The following AUTS2 variants were observed in gnomAD, a reference collection of about 807,000 sequenced individuals.
The protein encoded by AUTS2 is autism susceptibility gene 2 protein.
In AUTS2, 17 loss-of-function variants were observed where a neutral mutation model predicts 112.4. The ratio of observed to expected loss-of-function variants is 0.15; its 90% CI spans 0.10 to 0.23. The LOEUF (loss-of-function observed/expected upper bound fraction) is 0.23. Ranked by LOEUF, AUTS2 falls within the 10% of genes least tolerant of loss-of-function variation. The pLI, the probability that AUTS2 is intolerant of heterozygous loss-of-function variation, is 1.00. For missense variants in AUTS2, 1,510 were observed against 1,701.6 expected (o/e 0.89, Z 1.98); for synonymous variants, 751 against 702.7 (o/e 1.07, Z -1.09).
At chr7:70,680,266 A>G (rs1280377600) in intron 5 of AUTS2, among the ~76,000 whole-genome samples, 3 of 152,246 alleles carry the variant, frequency 2.0e-5, no homozygotes, top group Admixed American at 2.0e-4. Context: ...CCAGATCATA[A>G]AGAATCACAG....
chr7:69,600,269 C>T (rs539778904), intron 1 of AUTS2, among the ~76,000 whole-genome samples: 2 of 152,214 alleles, frequency 1.3e-5, no homozygotes, highest in East Asian at 3.9e-4. Context: ...AACAATGCGC[C>T]CCCTCTCCAC....
chr7:70,072,669 T>C (rs1802830756), intron 2 of AUTS2, among the ~76,000 whole-genome samples: 1 of 152,232 alleles, frequency 6.6e-6, no homozygotes. Context: ...GACATTTTCA[T>C]TCCTAACATA....
chr7:70,703,594 A>G (rs965193303), intron 6 of AUTS2, among the ~76,000 whole-genome samples: 1 of 151,858 alleles, frequency 6.6e-6, no homozygotes, highest in Non-Finnish European at 1.5e-5. Flanking sequence ...AATTTGGTTT[A>G]CAGTTTAAAA....
intron 4 of AUTS2, among the ~76,000 whole-genome samples, chr7:70,368,246 A>G (rs1792676555): frequency 6.6e-6 from 1 of 152,176 alleles, no homozygotes; most frequent in South Asian, 2.1e-4. Context: ...CATAGAAAAC[A>G]CCTAGAACTC....
intron 1 of AUTS2, among the ~76,000 whole-genome samples, chr7:69,802,380 T>G (rs1035778848): frequency 2.0e-5 from 3 of 152,192 alleles, no homozygotes; most frequent in African/African-American, 7.2e-5. Context: ...TATTTCTCAC[T>G]TAAGTAGTTT....
Position 69,883,252 on chromosome 7 carries a change from G to A in AUTS2, c.310-16034G>A, listed in dbSNP as rs117110946. 5.0e-3 allele frequency among the ~76,000 whole-genome samples: 765 copies of A among 151,778 alleles called. 7 individuals are homozygous for A. Among genetic ancestry groups the A allele is most frequent in the Non-Finnish European group, 8.5e-3 (580 of 67,956 alleles). ...AGCCAGCTTTGTGCACTTCAAAGCA[G>A]CCTCAGCTTCGGGGTGGAGCATAGA... On this transcript the variant is annotated intron_variant, in intron 1 of 18. Transcript: ENST00000342771.
At chr7:69,673,872 A>G (rs1216120508) in intron 1 of AUTS2, among the ~76,000 whole-genome samples, 1 of 152,248 alleles carries the variant, frequency 6.6e-6, no homozygotes, top group African/African-American at 2.4e-5. Flanking sequence ...ATTGAAACCC[A>G]GAAGTCTGAA....
chr7:69,951,231 C>T (rs953303149), intron 2 of AUTS2, among the ~76,000 whole-genome samples: 1 of 151,906 alleles, frequency 6.6e-6, no homozygotes, highest in African/African-American at 2.4e-5. Flanking sequence ...GTTGTTTCAG[C>T]TAATTATGAG....
At chr7:69,828,877 A>T (rs1210443023) in intron 1 of AUTS2, among the ~76,000 whole-genome samples, 1 of 152,164 alleles carries the variant, frequency 6.6e-6, no homozygotes, top group South Asian at 2.1e-4. Flanking sequence ...AACTCCTAAA[A>T]CATAGTATAA....
At position 69,879,320 on chromosome 7, in the gene AUTS2, CTTT is replaced by C. The variant is rs56852869; in HGVS notation, c.310-19958_310-19956del. Among the ~76,000 whole-genome samples the C allele has an allele frequency of 1.7e-3, 246 of 144,734 alleles. 6 individuals carry two copies. The highest frequency in any genetic ancestry group is 5.9e-3 in the African/African-American group (231 of 38,962). 95.0% of individuals were successfully genotyped at this position (144,734 alleles called of 152,430 possible). ...CACCATGCCCGGCTATTTTTTTTTT[CTTT>C]TTTTTTTGTAGAGACGGGATTTTGC... On this transcript the variant is annotated intron_variant, in intron 1 of 18. Coordinates refer to ENST00000342771, the MANE Select transcript of AUTS2 (RefSeq NM_015570.4).
At chr7:69,962,712 GTA>G (rs912386902) in intron 2 of AUTS2, among the ~76,000 whole-genome samples, 33 of 152,138 alleles carry the variant, frequency 2.2e-4, no homozygotes, top group Non-Finnish European at 3.4e-4. Flanking sequence ...GCATGTATGT[GTA>G]TGTGTGTGTG....
chr7:70,595,438 G>C (rs1011061714), intron 5 of AUTS2, among the ~76,000 whole-genome samples: 2 of 151,952 alleles, frequency 1.3e-5, no homozygotes, highest in African/African-American at 2.4e-5. Flanking sequence ...TGGAGATAAT[G>C]CTCTCTGATT....
intron 4 of AUTS2, among the ~76,000 whole-genome samples, chr7:70,360,247 C>T (rs1258880886): frequency 2.0e-5 from 3 of 152,138 alleles, no homozygotes; most frequent in Admixed American, 6.5e-5. Context: ...CTCACTTCAG[C>T]CTCCTGAGTA....
At chr7:69,960,233 C>G (rs888598608) in intron 2 of AUTS2, among the ~76,000 whole-genome samples, 3 of 152,144 alleles carry the variant, frequency 2.0e-5, no homozygotes, top group Non-Finnish European at 4.4e-5. Context: ...TTACTAATTG[C>G]TGCGCTCTAA....
rs555995081 is a variant in AUTS2 at position 70,641,469 on chromosome 7, G to A, written c.691-57100G>A. 7.2e-5 allele frequency among the ~76,000 whole-genome samples: 11 copies of A among 152,168 alleles called. No individual in the cohort carries two copies. The South Asian group carries it at 8.3e-4, about 11-fold the overall frequency. On this transcript the variant is annotated intron_variant, in intron 5 of 18. Transcript: ENST00000342771. Reference sequence around the variant, plus strand: ...CGGGAGACTGAGGCAGGAGAATGGCGTGAACCCGGGAGGCAGAGCTTGCAG... The same window carrying A: ...CGGGAGACTGAGGCAGGAGAATGGCATGAACCCGGGAGGCAGAGCTTGCAG...
At chr7:69,864,591 T>C (rs553714231) in intron 1 of AUTS2, among the ~76,000 whole-genome samples, 42 of 152,346 alleles carry the variant, frequency 2.8e-4, no homozygotes, top group African/African-American at 1.0e-3. Flanking sequence ...AGCAGGAGCA[T>C]TGTTTACTGG....
At chr7:70,086,303 G>T (rs570884957) in intron 2 of AUTS2, among the ~76,000 whole-genome samples, 2 of 152,068 alleles carry the variant, frequency 1.3e-5, no homozygotes, top group African/African-American at 2.4e-5. Context: ...CATAAACAAG[G>T]TGTGTTTCTT....
At chr7:70,651,925 G>T (rs921820048) in intron 5 of AUTS2, among the ~76,000 whole-genome samples, 1 of 152,112 alleles carries the variant, frequency 6.6e-6, no homozygotes, top group Non-Finnish European at 1.5e-5. Flanking sequence ...AACACCAAAG[G>T]CCCTCAGACT....
At chr7:69,769,866 T>C (rs1788588500) in intron 1 of AUTS2, among the ~76,000 whole-genome samples, 1 of 152,184 alleles carries the variant, frequency 6.6e-6, no homozygotes, top group Admixed American at 6.5e-5. Context: ...CTTCACGGGG[T>C]TGTTGTGAAG....
Sources: allele counts gnomAD v4.1 joint callset (sites outside exome capture counted in the v4.1 genomes callset), GRCh38; gene constraint gnomAD v4.1.1; transcripts MANE v1.5; gene names NCBI Gene and HGNC (gene_info 2026-07-23, HGNC 2026-07-21).